PTPRD: variants seen among roughly 807,000 people sequenced by gnomAD.
PTPRD encodes protein tyrosine phosphatase receptor type D.
PTPRD carries 34 observed loss-of-function variants against 214.5 expected under a neutral mutation model. That is an observed-to-expected ratio of 0.16 (90% CI 0.12 to 0.21). PTPRD has a LOEUF of 0.21. PTPRD is among the 10% of genes least tolerant of loss of function. The probability of loss-of-function intolerance (pLI) is 1.00; values close to 1 mark genes in which losing one functional copy is unlikely to be tolerated. For synonymous variants in PTPRD, 1,128 were observed against 845.7 expected (o/e 1.33, Z -5.79); for missense variants, 2,545 against 2,398.7 (o/e 1.06, Z -1.27).
At chr9:8,899,315 G>A (rs138039440) in intron 11 of PTPRD, among the ~76,000 whole-genome samples, 99 of 152,212 alleles carry the variant, frequency 6.5e-4, no homozygotes, top group African/African-American at 2.3e-3. Context: ...AAAGTGAGTT[G>A]AACATAATGG....
At chr9:8,985,092 T>C (rs1473920658) in intron 11 of PTPRD, among the ~76,000 whole-genome samples, 1 of 152,056 alleles carries the variant, frequency 6.6e-6, no homozygotes, top group Admixed American at 6.6e-5. Context: ...CAACAGACAG[T>C]TTATTTCTTG....
At chr9:10,418,156 A>G (rs1480019498) in intron 2 of PTPRD, among the ~76,000 whole-genome samples, 1 of 151,824 alleles carries the variant, frequency 6.6e-6, no homozygotes, top group Non-Finnish European at 1.5e-5. Context: ...AAAGAAGCAT[A>G]ATGGTATAAT....
Position 8,782,320 on chromosome 9 carries a change from T to C in PTPRD, c.-103-48374A>G, listed in dbSNP as rs188783046. On this transcript the variant is annotated intron_variant, in intron 11 of 45. Transcript: ENST00000381196. Reference sequence around the variant, plus strand: ...TTTTCAAGTTTATAATACATTGTTATTAACTGTAGTCAACAACTTTTTTAT... The same window carrying C: ...TTTTCAAGTTTATAATACATTGTTACTAACTGTAGTCAACAACTTTTTTAT... Among the ~76,000 whole-genome samples, 250 of 152,306 alleles carry C rather than the reference T, an allele frequency of 1.6e-3. 2 individuals are homozygous for C. The highest frequency in any genetic ancestry group is 5.3e-3 in the African/African-American group (222 of 41,566).
intron 2 of PTPRD, among the ~76,000 whole-genome samples, chr9:10,375,051 G>A (rs1235942792): frequency 6.6e-6 from 1 of 151,982 alleles, no homozygotes; most frequent in Non-Finnish European, 1.5e-5. Flanking sequence ...GAACTGGGTT[G>A]CTTATATTAA....
At chr9:9,205,521 G>C (rs992573384) in intron 9 of PTPRD, among the ~76,000 whole-genome samples, 1 of 151,976 alleles carries the variant, frequency 6.6e-6, no homozygotes, top group Admixed American at 6.6e-5. Flanking sequence ...AATTCAAAAC[G>C]TTTTCCCATA....
At chr9:10,392,594 A>C (rs2098089582) in intron 2 of PTPRD, among the ~76,000 whole-genome samples, 1 of 151,908 alleles carries the variant, frequency 6.6e-6, no homozygotes, top group African/African-American at 2.4e-5. Flanking sequence ...TAATACACTG[A>C]GGAAAGATGG....
intron 11 of PTPRD, among the ~76,000 whole-genome samples, chr9:8,790,958 C>A (rs1341569489): frequency 6.6e-6 from 1 of 152,156 alleles, no homozygotes; most frequent in African/African-American, 2.4e-5. Flanking sequence ...ACAGAAGATA[C>A]AGAACGCTTT....
At chr9:9,175,707 A>G (rs2099924400) in intron 10 of PTPRD, among the ~76,000 whole-genome samples, 1 of 151,772 alleles carries the variant, frequency 6.6e-6, no homozygotes, top group Admixed American at 6.6e-5. Flanking sequence ...TGTTTTGAGG[A>G]AGACTCTTCT....
intron 2 of PTPRD, among the ~76,000 whole-genome samples, chr9:10,572,645 G>T (rs909284382): frequency 6.6e-6 from 1 of 152,078 alleles, no homozygotes; most frequent in Admixed American, 6.6e-5. Flanking sequence ...TGTGATGTGT[G>T]TTTATAATTC....
intron 11 of PTPRD, among the ~76,000 whole-genome samples, chr9:9,009,156 T>G (rs1589722907): frequency 6.6e-6 from 1 of 152,168 alleles, no homozygotes; most frequent in East Asian, 1.9e-4. Context: ...GGATTTTTTT[T>G]TCCAATATCT....
At chr9:10,469,527 G>C (rs1335072187) in intron 2 of PTPRD, among the ~76,000 whole-genome samples, 1 of 151,904 alleles carries the variant, frequency 6.6e-6, no homozygotes, top group Non-Finnish European at 1.5e-5. Context: ...AACGTGAAAA[G>C]CTCACACTAA....
intron 7 of PTPRD, among the ~76,000 whole-genome samples, chr9:9,642,507 T>G (rs924824788): frequency 1.3e-5 from 2 of 152,098 alleles, no homozygotes; most frequent in African/African-American, 4.8e-5. Flanking sequence ...CTGGAAAACT[T>G]TGTAATTTTG....
At chr9:10,090,226 T>A (rs2098412509) in intron 3 of PTPRD, among the ~76,000 whole-genome samples, 1 of 151,628 alleles carries the variant, frequency 6.6e-6, no homozygotes, top group South Asian at 2.1e-4. Flanking sequence ...AACAACAGTG[T>A]CAAAAATCTA....
intron 5 of PTPRD, among the ~76,000 whole-genome samples, chr9:9,924,482 T>C (rs192803142): frequency 6.0e-4 from 91 of 152,156 alleles, no homozygotes; most frequent in African/African-American, 2.1e-3. Context: ...AATTTTAAAG[T>C]TATAACAACT....
At chr9:9,189,810 C>A (rs1446579607) in intron 9 of PTPRD, among the ~76,000 whole-genome samples, 1 of 151,934 alleles carries the variant, frequency 6.6e-6, no homozygotes, top group Admixed American at 6.6e-5. Flanking sequence ...TTACTTTACC[C>A]ATTAGGTTGT....
chr9:10,285,735 C>A (rs557097873), intron 3 of PTPRD, among the ~76,000 whole-genome samples: 1 of 151,704 alleles, frequency 6.6e-6, no homozygotes, highest in Non-Finnish European at 1.5e-5. Flanking sequence ...CTCAGCCTCC[C>A]GAGTAGCTGG....
At chr9:10,257,111 G>A (rs189164964) in intron 3 of PTPRD, among the ~76,000 whole-genome samples, 1 of 152,120 alleles carries the variant, frequency 6.6e-6, no homozygotes, top group Admixed American at 6.6e-5. Flanking sequence ...TGAGTTGAGT[G>A]GCTGGCATAA....
chr9:8,771,741 A>C (rs534532372), intron 11 of PTPRD, among the ~76,000 whole-genome samples: 2 of 152,288 alleles, frequency 1.3e-5, no homozygotes, highest in South Asian at 4.1e-4. Flanking sequence ...GCACGTATAC[A>C]TATGTTCAAT....
At chr9:9,897,425 A>C (rs1239440515) in intron 5 of PTPRD, among the ~76,000 whole-genome samples, 1 of 152,100 alleles carries the variant, frequency 6.6e-6, no homozygotes, top group Non-Finnish European at 1.5e-5. Context: ...TACATATTTG[A>C]GGGAAAGTTG....
Sources: gnomAD v4.1 joint callset for allele counts (sites outside exome capture counted in the v4.1 genomes callset) on GRCh38, gnomAD v4.1.1 for gene constraint, MANE v1.5 for transcripts, NCBI Gene and HGNC (gene_info 2026-07-23, HGNC 2026-07-21) for gene names.